The following MYOZ1 variants were observed in gnomAD, a reference collection of about 807,000 sequenced individuals.
The protein encoded by MYOZ1 is myozenin-1.
In MYOZ1, 20 loss-of-function variants were observed where a neutral mutation model predicts 28.7. The ratio of observed to expected loss-of-function variants is 0.70; its 90% CI spans 0.49 to 1.01. The LOEUF (loss-of-function observed/expected upper bound fraction) is 1.01. MYOZ1 is among the 50% of genes least tolerant of loss of function. The pLI, the probability that MYOZ1 is intolerant of heterozygous loss-of-function variation, is 0.00. For missense variants in MYOZ1, 371 were observed against 372.4 expected (o/e 1.00, Z 0.03); for synonymous variants, 144 against 145.8 (o/e 0.99, Z 0.09).
rs769816236 is a variant in MYOZ1 at position 73,640,051 on chromosome 10, A to G, written c.-18-16T>C. ...TGGATTCAGCCTGGACAGGGTGGGAAGGAGGAGTTGGTGGATGGACAGGGA... is the reference window on the plus strand; with the variant it reads ...TGGATTCAGCCTGGACAGGGTGGGAGGGAGGAGTTGGTGGATGGACAGGGA... On this transcript the variant is annotated splice_polypyrimidine_tract_variant and intron_variant, in intron 1 of 5. Transcript: ENST00000359322. The G allele has an allele frequency of 1.2e-6, 2 of 1,603,984 alleles. No homozygotes were observed. The highest frequency in any genetic ancestry group is 1.7e-6 in the Non-Finnish European group (2 of 1,171,588).
chr10:73,633,756 A>G, intron 5 of MYOZ1, 144 bp downstream of exon 5: 1 of 890,164 alleles, frequency 1.1e-6, no homozygotes, highest in Non-Finnish European at 1.6e-6. Context: ...TAGAGTGAAA[A>G]GAGCAGGGCC....
chr10:73,632,117 A>T lies in MYOZ1; in HGVS notation c.713T>A (p.Met238Lys). 1 of 1,614,234 alleles carries T rather than the reference A, an allele frequency of 6.2e-7. No homozygotes were observed. Among genetic ancestry groups the T allele is most frequent in the East Asian group, 2.2e-5 (1 of 44,890 alleles). Residue 238 changes from methionine (M) to lysine (K), a missense_variant, in exon 6 of 6, where the codon ATG (methionine) becomes AAG (lysine). Met to Lys is a moderately conservative substitution (Grantham distance 95, BLOSUM62 -1). Transcript: ENST00000359322. Reference sequence around the variant, plus strand: ...GTCAAACTTGGGCATCTGGAAGGTCATGCGTTTGGAGGCCTTCTCATATCC... The same window carrying T: ...GTCAAACTTGGGCATCTGGAAGGTCTTGCGTTTGGAGGCCTTCTCATATCC... ...YGGYEKASKR[M>K]TFQMPKFDLG...
Position 73,632,098 on chromosome 10 carries a change from C to A in MYOZ1, c.732G>T (p.Lys244Asn). 1 of 1,614,168 alleles carries A rather than the reference C, an allele frequency of 6.2e-7. No homozygotes were observed. Among genetic ancestry groups the A allele is most frequent in the Non-Finnish European group, 8.5e-7 (1 of 1,180,042 alleles). Residue 244 changes from lysine (K) to asparagine (N), a missense_variant, in exon 6 of 6, where the codon AAG (lysine) becomes AAT (asparagine). Transcript: ENST00000359322. ...CACTCAGCAAGGGCCCCAGGTCAAA[C>A]TTGGGCATCTGGAAGGTCATGCGTT... ...ASKRMTFQMP[K>N]FDLGPLLSEP...
chr10:73,641,264 C>T (rs2081702458), intron 1 of MYOZ1, 147 bp downstream of exon 1: 1 of 152,258 alleles, frequency 6.6e-6, no homozygotes. Context: ...CTCTCCTTCC[C>T]CTCTCCTTCC....
chr10:73,640,091 T>A, intron 1 of MYOZ1, 56 bp from the exon 2 acceptor site: 1 of 1,443,932 alleles, frequency 6.9e-7, no homozygotes, highest in Non-Finnish European at 9.7e-7. Context: ...GAAGAGTGAG[T>A]GTCTGTAGGA....
chr10:73,632,507 G>C (rs888359251), intron 5 of MYOZ1, among the ~76,000 whole-genome samples: 1 of 152,064 alleles, frequency 6.6e-6, no homozygotes, highest in African/African-American at 2.4e-5. Flanking sequence ...GCTCACGCCT[G>C]TAATCCCAGC....
chr10:73,639,240 A>G (rs1441450684), intron 2 of MYOZ1, among the ~76,000 whole-genome samples: 1 of 152,026 alleles, frequency 6.6e-6, no homozygotes, highest in Admixed American at 6.6e-5. Context: ...GTCCCACCTC[A>G]GCCTCTGGAG....
At chr10:73,633,852 CAG>C in intron 5 of MYOZ1, 46 bp downstream of exon 5, 1 of 1,538,922 alleles carries the variant, frequency 6.5e-7, no homozygotes, top group South Asian at 1.3e-5. Context: ...ACTAAAGACA[CAG>C]TGCCTCACAC....
intron 3 of MYOZ1, 42 bp downstream of exon 3, chr10:73,637,702 C>A: frequency 6.4e-7 from 1 of 1,561,566 alleles, no homozygotes; most frequent in South Asian, 1.2e-5. Context: ...GCTGTCAGAA[C>A]AGGCACCAGG....
intron 3 of MYOZ1, 67 bp from the exon 4 acceptor site, chr10:73,634,800 T>A: frequency 6.4e-7 from 1 of 1,557,406 alleles, no homozygotes; most frequent in Admixed American, 1.8e-5. Flanking sequence ...AACAGAGGTA[T>A]GTTTAGCAAA....
At chr10:73,637,442 A>G (rs1421848182) in intron 3 of MYOZ1, among the ~76,000 whole-genome samples, 3 of 152,178 alleles carry the variant, frequency 2.0e-5, no homozygotes, top group African/African-American at 7.2e-5. Flanking sequence ...GGACTGCCCC[A>G]CTGGGCATCC....
In MYOZ1 at chr10:73,631,732, G is replaced by A; in HGVS notation, c.*198C>T. Reference sequence around the variant, plus strand: ...AACGAGCAGGTTCCATATGGAGCAAGTAGAAGGGGAGCTCTGAGTTGGTGA... The same window carrying A: ...AACGAGCAGGTTCCATATGGAGCAAATAGAAGGGGAGCTCTGAGTTGGTGA... On this transcript the variant is annotated 3_prime_UTR_variant, in exon 6 of 6. Coordinates refer to ENST00000359322, the MANE Select transcript of MYOZ1 (RefSeq NM_021245.4). 3.5e-6 allele frequency: 2 copies of A among 571,278 alleles called. No homozygotes were observed. The highest frequency in any genetic ancestry group is 3.1e-6 in the Non-Finnish European group (1 of 320,648). The allele number at this position is 571,278 out of a possible 1,614,324, so 35.4% of individuals were successfully genotyped here.
At position 73,631,799 on chromosome 10, in the gene MYOZ1, A is replaced by G. The variant is rs994109121; in HGVS notation, c.*131T>C. ...TGGGGACTTGGAGTAAAGGATGGAA[A>G]GGTAGATCTCTCCTTTTTCCCTCCA... On this transcript the variant is annotated 3_prime_UTR_variant, in exon 6 of 6. Transcript: ENST00000359322. 4.6e-5 allele frequency: 36 copies of G among 778,802 alleles called. No individual in the cohort carries two copies. Among genetic ancestry groups the G allele is most frequent in the Middle Eastern group, 7.5e-4 (2 of 2,664 alleles). 48.2% of individuals were successfully genotyped at this position (778,802 alleles called of 1,614,324 possible). A position where few individuals can be genotyped will look rare whatever the true frequency, so the allele number is the denominator to read the frequency against.
At position 73,637,934 on chromosome 10, in the gene MYOZ1, G is replaced by A. The variant is rs2081677340; in HGVS notation, c.74-12C>T. The A allele has an allele frequency of 1.3e-6, 2 of 1,597,660 alleles. No homozygotes were observed. The highest frequency in any genetic ancestry group is 1.7e-6 in the Non-Finnish European group (2 of 1,173,630). On this transcript the variant is annotated splice_polypyrimidine_tract_variant and intron_variant, in intron 2 of 5. Transcript: ENST00000359322. ...GCTCTCCTGTCCACCTTTCAGGGAGGCAAAGAAGAAGAATCAAGGGAAAGA... is the reference window on the plus strand; with the variant it reads ...GCTCTCCTGTCCACCTTTCAGGGAGACAAAGAAGAAGAATCAAGGGAAAGA...
chr10:73,633,949 G>C lies in MYOZ1; in HGVS notation c.619C>G (p.Leu207Val). Reference sequence around the variant, plus strand: ...AGTTCAGCTTTGGCCCCATAGGCCAGCAGGTCAATGCCAAGTTCCATTTTT... The same window carrying C: ...AGTTCAGCTTTGGCCCCATAGGCCACCAGGTCAATGCCAAGTTCCATTTTT... ...QQKMELGIDL[L>V]AYGAKAELPK... The change falls in exon 5 of 6, where the codon CTG (leucine) becomes GTG (valine). Residue 207 changes from leucine (L) to valine (V), a missense_variant. Physicochemically the swap from Leu to Val is conservative, Grantham distance 32. Transcript: ENST00000359322. 1.9e-6 allele frequency: 3 copies of C among 1,613,886 alleles called. No individual in the cohort carries two copies. The highest frequency in any genetic ancestry group is 2.5e-6 in the Non-Finnish European group (3 of 1,179,920).
At chr10:73,640,654 G>A (rs2081698472) in intron 1 of MYOZ1, among the ~76,000 whole-genome samples, 1 of 152,154 alleles carries the variant, frequency 6.6e-6, no homozygotes, top group African/African-American at 2.4e-5. Flanking sequence ...CACAAGCAGG[G>A]CAATGCACCC....
rs1172226893 is a variant in MYOZ1 at position 73,638,677 on chromosome 10, T to TATG, written c.74-756_74-755insCAT. On this transcript the variant is annotated intron_variant, in intron 2 of 5. Transcript: ENST00000359322. Reference sequence around the variant, plus strand: ...TTATTTATTTATTTATTTATTTATTTATTTATTGAGTCAGAGACTTGCTCT... The same window carrying TATG: ...TTATTTATTTATTTATTTATTTATTTATGATTTATTGAGTCAGAGACTTGCTCT... Among the ~76,000 whole-genome samples, 457 of 147,446 alleles carry TATG rather than the reference T, an allele frequency of 3.1e-3. 5 individuals are homozygous for TATG. Among genetic ancestry groups the TATG allele is most frequent in the African/African-American group, 0.011 (429 of 40,492 alleles).
At chr10:73,637,014 C>CTTTT (rs1229338667) in intron 3 of MYOZ1, among the ~76,000 whole-genome samples, 2 of 132,642 alleles carry the variant, frequency 1.5e-5, no homozygotes, top group Non-Finnish European at 3.2e-5. Flanking sequence ...TTTTTTCTTT[C>CTTTT]TTTTTTTTTT....
Position 73,634,555 on chromosome 10 carries a change from G to A in MYOZ1, c.431C>T (p.Thr144Ile), listed in dbSNP as rs1461286795. The change falls in exon 4 of 6, where the codon ACA (threonine) becomes ATA (isoleucine). Residue 144 changes from threonine to isoleucine, a missense_variant. Thr to Ile is a moderately conservative substitution (Grantham distance 89). Transcript: ENST00000359322. Reference protein sequence around the residue: ...HLGSGSGAGGTGGPAGQAGRG... With the variant: ...HLGSGSGAGGIGGPAGQAGRG... ...GCCAGCCTGGCCCGCGGGACCACCT[G>A]TACCCCCAGCTCCAGACCCAGAGCC... The A allele has an allele frequency of 1.2e-6, 2 of 1,614,070 alleles. No individual in the cohort carries two copies. Among genetic ancestry groups the A allele is most frequent in the Admixed American group, 1.7e-5 (1 of 60,010 alleles).
Sources: allele counts gnomAD v4.1 joint callset (sites outside exome capture counted in the v4.1 genomes callset), GRCh38; gene constraint gnomAD v4.1.1; transcripts MANE v1.5; gene names NCBI Gene and HGNC (gene_info 2026-07-23, HGNC 2026-07-21).